ANKS1B: variants seen among roughly 807,000 people sequenced by gnomAD.
ANKS1B encodes the protein ankyrin repeat and sterile alpha motif domain containing 1B.
Under a neutral mutation model 148.3 loss-of-function variants are expected in ANKS1B, and 36 were observed. The ratio of observed to expected loss-of-function variants is 0.24; its 90% CI spans 0.19 to 0.32. ANKS1B has a LOEUF of 0.32. ANKS1B is among the 10% of genes least tolerant of loss of function. The pLI is 1.00. For missense variants in ANKS1B, 1,157 were observed against 1,542.6 expected, an observed-to-expected ratio of 0.75 and a Z score of 4.19; for synonymous variants, 542 against 560.8, an observed-to-expected ratio of 0.97 and a Z score of 0.47.
intron 17 of ANKS1B, among the ~76,000 whole-genome samples, chr12:98,870,973 T>C (rs1595911800): frequency 6.6e-6 from 1 of 152,344 alleles, no homozygotes; most frequent in Non-Finnish European, 1.5e-5. Flanking sequence ...GCAGGGAAGG[T>C]GCCACCATTT....
chr12:99,767,236 T>C (rs919726363), intron 8 of ANKS1B, among the ~76,000 whole-genome samples: 1 of 152,094 alleles, frequency 6.6e-6, no homozygotes, highest in Non-Finnish European at 1.5e-5. Flanking sequence ...AGAGGCATAG[T>C]TGCTGAACAA....
At chr12:98,777,332 A>C (rs1009752174) in intron 24 of ANKS1B, among the ~76,000 whole-genome samples, 3 of 152,220 alleles carry the variant, frequency 2.0e-5, no homozygotes, top group African/African-American at 7.2e-5. Context: ...AAACTCAAAA[A>C]ACAAAACAAC....
At chr12:99,812,352 A>T (rs2068476682) in intron 2 of ANKS1B, 41 bp from the exon 3 acceptor site, 1 of 1,588,170 alleles carries the variant, frequency 6.3e-7, no homozygotes, top group African/African-American at 1.4e-5. Flanking sequence ...AGGCTGAGCA[A>T]GACAAACTGT....
Position 99,549,088 on chromosome 12 carries a change from A to G in ANKS1B, c.1273-44447T>C, listed in dbSNP as rs756164248. 3.9e-4 allele frequency among the ~76,000 whole-genome samples: 60 copies of G among 152,334 alleles called. 1 individual carries two copies. Among genetic ancestry groups the G allele is most frequent in the South Asian group, 2.1e-4 (1 of 4,830 alleles). Reference sequence around the variant, plus strand: ...CCAAAATGATCTTCAAACTAGAAATATAAGATCAGTTAACATAAAGAAGAA... The same window carrying G: ...CCAAAATGATCTTCAAACTAGAAATGTAAGATCAGTTAACATAAAGAAGAA... On this transcript the variant is annotated intron_variant, in intron 9 of 26. Transcript: ENST00000683438.
At chr12:99,239,472 A>G (rs2712644) in intron 14 of ANKS1B, among the ~76,000 whole-genome samples, 125,995 of 152,172 alleles carry the variant, frequency 0.83, 52,530 homozygotes, top group East Asian at 1. Context: ...AGGGAGAATG[A>G]ACCAAGTTAG....
At chr12:99,634,277 G>C (rs2098207360) in intron 9 of ANKS1B, among the ~76,000 whole-genome samples, 1 of 151,998 alleles carries the variant, frequency 6.6e-6, no homozygotes, top group Admixed American at 6.6e-5. Flanking sequence ...AGTGGGACTG[G>C]TGGCTTTATA....
intron 12 of ANKS1B, among the ~76,000 whole-genome samples, chr12:99,343,572 C>A (rs945524322): frequency 2.6e-5 from 4 of 152,080 alleles, no homozygotes; most frequent in East Asian, 1.9e-4. Context: ...CATCTACAAC[C>A]TTTTCCTCTC....
chr12:99,366,581 A>G (rs2152451151), intron 12 of ANKS1B, among the ~76,000 whole-genome samples: 1 of 152,326 alleles, frequency 6.6e-6, no homozygotes, highest in African/African-American at 2.4e-5. Flanking sequence ...CAAAGTTGGC[A>G]TCTCAAATCG....
intron 17 of ANKS1B, among the ~76,000 whole-genome samples, chr12:98,840,544 A>T (rs535868968): frequency 6.6e-6 from 1 of 152,286 alleles, no homozygotes; most frequent in African/African-American, 2.4e-5. Context: ...ATTAAATAGG[A>T]AATACTAATT....
intron 10 of ANKS1B, among the ~76,000 whole-genome samples, chr12:99,470,562 AT>A (rs1393117520): frequency 2.0e-5 from 3 of 152,130 alleles, no homozygotes; most frequent in Non-Finnish European, 2.9e-5. Context: ...CAATTCCTCA[AT>A]TCTCCTATTA....
At chr12:99,224,332 C>T (rs1246252443) in intron 14 of ANKS1B, among the ~76,000 whole-genome samples, 1 of 152,140 alleles carries the variant, frequency 6.6e-6, no homozygotes, top group African/African-American at 2.4e-5. Flanking sequence ...CCACCAAAAT[C>T]TCATGACAAA....
intron 1 of ANKS1B, among the ~76,000 whole-genome samples, chr12:99,863,118 T>C (rs2090254209): frequency 1.3e-5 from 2 of 152,136 alleles, no homozygotes; most frequent in African/African-American, 4.8e-5. Context: ...ATGGTGACTG[T>C]TTTGTTTGTT....
At chr12:99,704,675 TC>T (rs2055433104) in intron 8 of ANKS1B, among the ~76,000 whole-genome samples, 1 of 152,084 alleles carries the variant, frequency 6.6e-6, no homozygotes, top group Non-Finnish European at 1.5e-5. Context: ...AATGAGGCTC[TC>T]CAGCTTAATA....
chr12:99,358,233 A>G (rs576112683), intron 12 of ANKS1B, among the ~76,000 whole-genome samples: 1 of 152,160 alleles, frequency 6.6e-6, no homozygotes, highest in African/African-American at 2.4e-5. Context: ...TAGTTGCATG[A>G]TTTTATTACT....
At chr12:98,827,503 T>A (rs970045706) in intron 19 of ANKS1B, among the ~76,000 whole-genome samples, 1 of 152,154 alleles carries the variant, frequency 6.6e-6, no homozygotes, top group Non-Finnish European at 1.5e-5. Flanking sequence ...ACAATTCTCA[T>A]AAGGGATGCA....
chr12:99,828,079 T>G (rs1309405853), intron 1 of ANKS1B, among the ~76,000 whole-genome samples: 1 of 152,122 alleles, frequency 6.6e-6, no homozygotes, highest in Non-Finnish European at 1.5e-5. Flanking sequence ...TTGTGATATA[T>G]CCATACAATG....
chr12:99,304,404 A>G (rs2082083859), intron 12 of ANKS1B, among the ~76,000 whole-genome samples: 1 of 152,094 alleles, frequency 6.6e-6, no homozygotes, highest in Non-Finnish European at 1.5e-5. Flanking sequence ...CTAGTCTATT[A>G]TATTTTCTTA....
chr12:99,531,522 T>C (rs1342558456), intron 9 of ANKS1B, among the ~76,000 whole-genome samples: 1 of 152,176 alleles, frequency 6.6e-6, no homozygotes, highest in African/African-American at 2.4e-5. Context: ...CCATACAAGG[T>C]GCTGCAAAAG....
Position 98,787,960 on chromosome 12 carries a change from C to G in ANKS1B, c.3343-5823G>C, listed in dbSNP as rs535512729. Among the ~76,000 whole-genome samples the G allele has an allele frequency of 4.9e-4, 73 of 149,114 alleles. 1 individual carries two copies. The South Asian group carries it at 9.9e-3, about 20-fold the overall frequency. On this transcript the variant is annotated intron_variant, in intron 22 of 26. Transcript: ENST00000683438. ...ATCTCCAAAAAAAAAAAAAAGGAAG[C>G]ACAGTGCCAGCCTCTCAACACGCTG...
Sources: gnomAD v4.1 joint callset for allele counts (sites outside exome capture counted in the v4.1 genomes callset) on GRCh38, gnomAD v4.1.1 for gene constraint, MANE v1.5 for transcripts, NCBI Gene and HGNC (gene_info 2026-07-23, HGNC 2026-07-21) for gene names.